THRB: variants seen among roughly 807,000 people sequenced by gnomAD.
THRB encodes thyroid hormone receptor beta, also known as nuclear receptor subfamily 1 group A member 2.
In THRB, 12 loss-of-function variants were observed where a neutral mutation model predicts 47.8. The observed-to-expected ratio is 0.25, with a 90% CI of 0.16 to 0.41. The LOEUF is 0.41. THRB is among the 10% of genes least tolerant of loss of function. THRB has a pLI of 1.00. For synonymous variants in THRB, 218 were observed against 212.2 expected (o/e 1.03, Z -0.24); for missense variants, 348 against 589.2 (o/e 0.59, Z 4.24).
At chr3:24,177,388 C>T (rs9862985) in intron 5 of THRB, among the ~76,000 whole-genome samples, 55,512 of 151,742 alleles carry the variant, frequency 0.37, 10,400 homozygotes, top group South Asian at 0.44. Flanking sequence ...AAAAATCCTA[C>T]GAAAAAAGGG....
chr3:24,386,645 C>T (rs2066130738), intron 1 of THRB, among the ~76,000 whole-genome samples: 1 of 152,100 alleles, frequency 6.6e-6, no homozygotes, highest in South Asian at 2.1e-4. Context: ...CAGTTCCCTT[C>T]AGTTTGAATG....
chr3:24,169,459 G>C (rs900854589), intron 5 of THRB, among the ~76,000 whole-genome samples: 6 of 152,020 alleles, frequency 3.9e-5, no homozygotes, highest in Admixed American at 3.3e-4. Flanking sequence ...GAAATACACA[G>C]AATTGCCATA....
At chr3:24,441,887 C>G (rs2071563992) in intron 1 of THRB, among the ~76,000 whole-genome samples, 1 of 151,538 alleles carries the variant, frequency 6.6e-6, no homozygotes, top group South Asian at 2.1e-4. Context: ...GTTGCTGGCT[C>G]CCCCAAGAAA....
chr3:24,343,356 G>A (rs2062804704), intron 1 of THRB, among the ~76,000 whole-genome samples: 1 of 152,124 alleles, frequency 6.6e-6, no homozygotes, highest in African/African-American at 2.4e-5. Flanking sequence ...TTTCTTTAAT[G>A]AGGGTCAAAA....
chr3:24,477,737 T>A (rs1577878204), intron 1 of THRB, among the ~76,000 whole-genome samples: 1 of 151,930 alleles, frequency 6.6e-6, no homozygotes, highest in African/African-American at 2.4e-5. Context: ...GAAGGCAACA[T>A]CGGGTCAGTA....
chr3:24,362,846 A>G (rs953095568), intron 1 of THRB, among the ~76,000 whole-genome samples: 1 of 152,162 alleles, frequency 6.6e-6, no homozygotes, highest in Non-Finnish European at 1.5e-5. Flanking sequence ...TAAGCCAAGG[A>G]CATCAAGACA....
intron 3 of THRB, among the ~76,000 whole-genome samples, chr3:24,244,178 G>A (rs557878943): frequency 1.3e-5 from 2 of 152,142 alleles, no homozygotes; most frequent in African/African-American, 2.4e-5. Flanking sequence ...CTGTGGTGAC[G>A]GCAGTATATA....
intron 5 of THRB, among the ~76,000 whole-genome samples, chr3:24,186,944 CAAAAAAAAA>C (rs71057655): frequency 3.9e-5 from 3 of 77,534 alleles, no homozygotes; most frequent in Non-Finnish European, 4.9e-5. Context: ...GACTCCATTT[CAAAAAAAAA>C]AAAAAAAAAA....
chr3:24,299,328 A>T (rs1472229729), intron 2 of THRB, among the ~76,000 whole-genome samples: 1 of 151,938 alleles, frequency 6.6e-6, no homozygotes, highest in Non-Finnish European at 1.5e-5. Context: ...GGAAACTAAG[A>T]ATCATGCATT....
At chr3:24,249,724 T>C (rs2050470949) in intron 3 of THRB, among the ~76,000 whole-genome samples, 1 of 149,114 alleles carries the variant, frequency 6.7e-6, no homozygotes, top group South Asian at 2.1e-4. Flanking sequence ...TTTGAAAGAA[T>C]ATAGAACTCA....
intron 5 of THRB, among the ~76,000 whole-genome samples, chr3:24,161,411 T>C (rs1040983381): frequency 3.3e-5 from 5 of 151,166 alleles, no homozygotes; most frequent in African/African-American, 4.9e-5. Flanking sequence ...AATTCAAGTA[T>C]AGGGGAAGAA....
At chr3:24,408,661 T>C (rs79515695) in intron 1 of THRB, among the ~76,000 whole-genome samples, 223 of 151,902 alleles carry the variant, frequency 1.5e-3, no homozygotes, top group African/African-American at 5.3e-3. Context: ...AGAAATACAA[T>C]CAGCATTAAA....
chr3:24,315,389 T>C (rs1306109960), intron 2 of THRB, among the ~76,000 whole-genome samples: 1 of 152,232 alleles, frequency 6.6e-6, no homozygotes, highest in Non-Finnish European at 1.5e-5. Context: ...AGCCACGTCC[T>C]GCACTTACGT....
At chr3:24,143,839 A>G in intron 7 of THRB, 133 bp from the exon 8 acceptor site, 1 of 851,246 alleles carries the variant, frequency 1.2e-6, no homozygotes, top group Non-Finnish European at 1.9e-6. Context: ...GGTGGGTCAC[A>G]CTGGGACAGT....
chr3:24,212,593 A>AG (rs1459186774), intron 4 of THRB, among the ~76,000 whole-genome samples: 1 of 151,438 alleles, frequency 6.6e-6, no homozygotes, highest in Non-Finnish European at 1.5e-5. Context: ...AAAAAAAAAA[A>AG]AAAAAGAAAG....
intron 3 of THRB, among the ~76,000 whole-genome samples, chr3:24,255,654 T>C (rs776053474): frequency 4.6e-5 from 7 of 152,034 alleles, no homozygotes; most frequent in Non-Finnish European, 8.8e-5. Context: ...CATGTGTGGG[T>C]TTCATGGAGA....
At chr3:24,328,765 C>T (rs2149357122) in intron 2 of THRB, among the ~76,000 whole-genome samples, 1 of 152,354 alleles carries the variant, frequency 6.6e-6, no homozygotes, top group South Asian at 2.1e-4. Flanking sequence ...TTACCTCCAA[C>T]CTACCTGTCT....
chr3:24,306,385 G>T (rs2057336765), intron 2 of THRB, among the ~76,000 whole-genome samples: 1 of 152,194 alleles, frequency 6.6e-6, no homozygotes, highest in Admixed American at 6.5e-5. Context: ...GCCTTCCACA[G>T]AGGGCTCTGG....
At chr3:24,225,563 T>G (rs1559657544) in intron 4 of THRB, among the ~76,000 whole-genome samples, 3 of 152,156 alleles carry the variant, frequency 2.0e-5, no homozygotes, top group Non-Finnish European at 4.4e-5. Context: ...ACATAATGGG[T>G]CTTTGTTTTT....
Sources: allele counts gnomAD v4.1 joint callset (sites outside exome capture counted in the v4.1 genomes callset), GRCh38; gene constraint gnomAD v4.1.1; transcripts MANE v1.5; gene names NCBI Gene and HGNC (gene_info 2026-07-23, HGNC 2026-07-21).